Variants in ENAH observed in about 807,000 individuals in gnomAD.
The protein encoded by ENAH is ENAH actin regulator, also known as protein enabled homolog.
A neutral mutation model predicts 78.7 loss-of-function variants in ENAH; 23 were observed. The ratio of observed to expected loss-of-function variants is 0.29; its 90% CI spans 0.21 to 0.41. ENAH has a LOEUF of 0.41. Among genes scored for constraint, ENAH ranks in the 10% least tolerant of loss-of-function variants. The pLI is 1.00. For missense variants in ENAH, 544 were observed against 691.0 expected (o/e 0.79, Z 2.39); for synonymous variants, 226 against 241.0 (o/e 0.94, Z 0.58).
intron 1 of ENAH, among the ~76,000 whole-genome samples, chr1:225,635,424 C>T (rs1189051634): frequency 6.6e-6 from 1 of 152,184 alleles, no homozygotes; most frequent in Non-Finnish European, 1.5e-5. Flanking sequence ...ATCTTGTACC[C>T]TGCAACTTTG....
chr1:225,633,196 C>T (rs1365174136), intron 1 of ENAH, among the ~76,000 whole-genome samples: 2 of 151,972 alleles, frequency 1.3e-5, no homozygotes, highest in Non-Finnish European at 2.9e-5. Flanking sequence ...GCACCTGCCA[C>T]CACACCTGGC....
At position 225,519,457 on chromosome 1, in the gene ENAH, C is replaced by T; in HGVS notation, c.543G>A (p.Leu181=). The change falls in exon 5 of 14, where the codon CTG becomes CTA. Residue 181 remains leucine (L), a synonymous_variant. Transcript: ENST00000366843. ...LERERLERER[L]ERERLEQEQL... is the part of the protein sequence containing the mutation. Reference sequence around the variant, plus strand: ...GTTCTTGTTCCAGTCGCTCCCTCTCCAGCCTTTCCCTTTCTAACCTCTCTC... The same window carrying T: ...GTTCTTGTTCCAGTCGCTCCCTCTCTAGCCTTTCCCTTTCTAACCTCTCTC... 2 of 1,612,338 alleles carry T rather than the reference C, an allele frequency of 1.2e-6. No individual in the cohort carries two copies. The highest frequency in any genetic ancestry group is 1.7e-6 in the Non-Finnish European group (2 of 1,179,060).
At position 225,497,736 on chromosome 1, in the gene ENAH, C is replaced by T; in HGVS notation, c.*39G>A. ...CAGTTGTTGTTTGTAGGATATTTTT[C>T]CTCCAGATTAAAGTCCTATCTCTCC... On this transcript the variant is annotated 3_prime_UTR_variant, in exon 14 of 14. Transcript: ENST00000366843. The T allele has an allele frequency of 6.3e-7, 1 of 1,596,706 alleles. No individual in the cohort carries two copies. The highest frequency in any genetic ancestry group is 8.6e-7 in the Non-Finnish European group (1 of 1,167,896).
rs1558744091 is a variant in ENAH at position 225,519,357 on chromosome 1, GTT to G, written c.641_642del (p.Glu214AlafsTer60). ...TCCAGGCGTTCCTGCCGCTCCAGGC[GTT>G]CCTGCCGCTCCAGGCGTTCCTGCCG... ...LERQERLERQ[E>X]RLERQERLDR... is the part of the protein sequence containing the mutation. On this transcript the variant is annotated frameshift_variant, in exon 5 of 14. Transcript: ENST00000366843. LOFTEE classifies it high-confidence loss of function. 43 of 1,609,178 alleles carry G rather than the reference GTT, an allele frequency of 2.7e-5. No homozygotes were observed. The highest frequency in any genetic ancestry group is 3.5e-5 in the Non-Finnish European group (41 of 1,177,816).
intron 2 of ENAH, among the ~76,000 whole-genome samples, chr1:225,562,558 C>T (rs1168023327): frequency 1.4e-4 from 14 of 102,966 alleles, no homozygotes; most frequent in Non-Finnish European, 2.4e-4. Flanking sequence ...GGCGACAGAG[C>T]GAGACTGCGT....
At chr1:225,630,656 A>C (rs1346172621) in intron 1 of ENAH, among the ~76,000 whole-genome samples, 3 of 152,228 alleles carry the variant, frequency 2.0e-5, no homozygotes, top group African/African-American at 7.2e-5. Flanking sequence ...CTATAAAGGC[A>C]TTTTAATTTC....
At chr1:225,591,861 T>C (rs898648105) in intron 1 of ENAH, among the ~76,000 whole-genome samples, 1 of 151,916 alleles carries the variant, frequency 6.6e-6, no homozygotes, top group African/African-American at 2.4e-5. Context: ...TTGGTCTCTT[T>C]AGAAGCACCA....
At chr1:225,514,244 G>T (rs2096399616) in intron 7 of ENAH, among the ~76,000 whole-genome samples, 1 of 151,294 alleles carries the variant, frequency 6.6e-6, no homozygotes, top group Admixed American at 6.6e-5. Context: ...TCGGCTCACT[G>T]CAACCTCCAC....
Position 225,496,656 on chromosome 1 carries a change from A to C in ENAH, c.*1119T>G, listed in dbSNP as rs2096251148. On this transcript the variant is annotated 3_prime_UTR_variant, in exon 14 of 14. Coordinates refer to ENST00000366843, the MANE Select transcript of ENAH (RefSeq NM_018212.6). ...TTACTGGTTAAAATACAAATAGCTG[A>C]AGACATGATGTAAAAGATTAAGTAC... 6.5e-6 allele frequency: 1 copy of C among 152,690 alleles called. No homozygotes were observed. Among genetic ancestry groups the C allele is most frequent in the South Asian group, 2.1e-4 (1 of 4,836 alleles). 9.5% of individuals were successfully genotyped at this position (152,690 alleles called of 1,614,324 possible). A position where few individuals can be genotyped will look rare whatever the true frequency, so the allele number is the denominator to read the frequency against.
chr1:225,636,392 ATGTCT>A (rs1660066960), intron 1 of ENAH, among the ~76,000 whole-genome samples: 1 of 152,170 alleles, frequency 6.6e-6, no homozygotes. Context: ...AATATATTTG[ATGTCT>A]TGTCTTTATA....
chr1:225,621,142 C>T lies in ENAH; in HGVS notation c.5+31544G>A, dbSNP rs917852934. ...TTGGGAAAATCTTCACCCATGTCCACTTGCCTAATCATCTTTTTAAGAGTG... is the reference window on the plus strand; with the variant it reads ...TTGGGAAAATCTTCACCCATGTCCATTTGCCTAATCATCTTTTTAAGAGTG... On this transcript the variant is annotated intron_variant, in intron 1 of 13. Transcript: ENST00000366843. Among the ~76,000 whole-genome samples the T allele has an allele frequency of 1.6e-4, 25 of 152,346 alleles. 1 individual carries two copies. The highest frequency in any genetic ancestry group is 5.5e-4 in the African/African-American group (23 of 41,580).
chr1:225,596,367 A>G (rs1029664317), intron 1 of ENAH, among the ~76,000 whole-genome samples: 31 of 152,354 alleles, frequency 2.0e-4, no homozygotes, highest in Admixed American at 2.0e-4. Flanking sequence ...TTAATCAGCA[A>G]AGAGTCAGGA....
At chr1:225,653,566 C>T (rs1663460105), upstream of ENAH, among the ~76,000 whole-genome samples, 1 of 151,934 alleles carries the variant, frequency 6.6e-6, no homozygotes, top group African/African-American at 2.4e-5. The surrounding 1 kb of genome is among the most constrained non-coding windows in gnomAD (Gnocchi z 4.3). Flanking sequence ...GTGCGGAGAC[C>T]GAGGCGCCGA....
chr1:225,488,173 T>G lies in ENAH; in HGVS notation c.*9602A>C, dbSNP rs1465529426. ...AAGGACAAGGTTTTTATTTATTTAT[T>G]TATTTATTATTTATTTATTTATTTT... On this transcript the variant is annotated 3_prime_UTR_variant, in exon 14 of 14. Coordinates refer to ENST00000366843, the MANE Select transcript of ENAH (RefSeq NM_018212.6). 1 of 129,652 alleles carries G rather than the reference T, an allele frequency of 7.7e-6. No individual in the cohort carries two copies. The highest frequency in any genetic ancestry group is 2.6e-5 in the African/African-American group (1 of 38,770). The allele number at this position is 129,652 out of a possible 1,614,324, so 8.0% of individuals were successfully genotyped here.
Position 225,634,922 on chromosome 1 carries a change from A to C in ENAH, c.5+17764T>G, listed in dbSNP as rs569742585. On this transcript the variant is annotated intron_variant, in intron 1 of 13. Coordinates refer to ENST00000366843, the MANE Select transcript of ENAH (RefSeq NM_018212.6). Reference sequence around the variant, plus strand: ...GCTATTTGGGGTCCCTTGAAATTCCATATGAATTATTTTTGCAAAAAACGC... The same window carrying C: ...GCTATTTGGGGTCCCTTGAAATTCCCTATGAATTATTTTTGCAAAAAACGC... 3.9e-5 allele frequency among the ~76,000 whole-genome samples: 6 copies of C among 152,304 alleles called. No individual in the cohort carries two copies. In the South Asian group the frequency reaches 1.0e-3, roughly 26 times the overall value.
chr1:225,601,038 T>C (rs1227092881), intron 1 of ENAH, among the ~76,000 whole-genome samples: 2 of 152,162 alleles, frequency 1.3e-5, no homozygotes, highest in East Asian at 1.9e-4. Context: ...GAAGAGGCTA[T>C]ATAGTGATGA....
chr1:225,538,626 T>C (rs1051796965), intron 3 of ENAH, among the ~76,000 whole-genome samples: 2 of 152,062 alleles, frequency 1.3e-5, no homozygotes, highest in Non-Finnish European at 2.9e-5. Context: ...TCCCATCCTT[T>C]ATTTCTTGCA....
chr1:225,514,223 G>A (rs2096399368), intron 7 of ENAH, among the ~76,000 whole-genome samples: 1 of 152,082 alleles, frequency 6.6e-6, no homozygotes, highest in Admixed American at 6.5e-5. Context: ...CTAGAGCGCA[G>A]TGGCATGATC....
rs901383411 is a variant in ENAH, at chr1:225,519,372, G to A, written c.628C>T (p.Leu210=). The A allele has an allele frequency of 2.4e-5, 39 of 1,609,878 alleles. No individual in the cohort carries two copies. Among genetic ancestry groups the A allele is most frequent in the Non-Finnish European group, 3.1e-5 (37 of 1,178,548 alleles). The change falls in exon 5 of 14, where the codon CTG becomes TTG. Residue 210 remains leucine (L), a synonymous_variant. Coordinates refer to ENST00000366843, the MANE Select transcript of ENAH (RefSeq NM_018212.6). Reference sequence around the variant, plus strand: ...CGCTCCAGGCGTTCCTGCCGCTCCAGGCGTTCCTGCCGCTCCAGGCGTTCC... The same window carrying A: ...CGCTCCAGGCGTTCCTGCCGCTCCAAGCGTTCCTGCCGCTCCAGGCGTTCC... ...RQERLERQER[L]ERQERLERQE...
Sources: gnomAD v4.1 joint callset for allele counts (sites outside exome capture counted in the v4.1 genomes callset) on GRCh38, gnomAD v4.1.1 for gene constraint, Gnocchi (gnomAD v3.1) non-coding constraint, MANE v1.5 for transcripts, NCBI Gene and HGNC (gene_info 2026-07-23, HGNC 2026-07-21) for gene names.